Variants in CYFIP1 observed in about 807,000 individuals in gnomAD.
CYFIP1 encodes the protein cytoplasmic FMR1 interacting protein 1.
CYFIP1 carries 58 observed loss-of-function variants against 163.5 expected under a neutral mutation model. The observed-to-expected ratio is 0.35, with a 90% CI of 0.29 to 0.44. CYFIP1 has a LOEUF of 0.44. Among genes scored for constraint, CYFIP1 ranks in the 20% least tolerant of loss-of-function variants. CYFIP1 has a pLI of 1.00. For missense variants in CYFIP1, 1,338 were observed against 1,653.8 expected, an observed-to-expected ratio of 0.81 and a Z score of 3.31; for synonymous variants, 663 against 660.7, an observed-to-expected ratio of 1.00 and a Z score of -0.05.
chr15:22,907,922 C>G (rs995890239), intron 21 of CYFIP1, among the ~76,000 whole-genome samples: 1 of 152,192 alleles, frequency 6.6e-6, no homozygotes, highest in Non-Finnish European at 1.5e-5. Context: ...ACAAGTCTTC[C>G]GTGACACCAC....
intron 1 of CYFIP1, among the ~76,000 whole-genome samples, chr15:22,958,800 T>C (rs1220826987): frequency 2.0e-5 from 3 of 152,316 alleles, no homozygotes; most frequent in African/African-American, 7.2e-5. Context: ...CCATGCGCCA[T>C]GAAACCCCAG....
intron 10 of CYFIP1, among the ~76,000 whole-genome samples, chr15:22,932,571 G>T (rs1380182311): frequency 6.6e-6 from 1 of 152,316 alleles, no homozygotes; most frequent in South Asian, 2.1e-4. Flanking sequence ...TGACCCCTGA[G>T]ACTGAGATGC....
chr15:22,973,586 T>C (rs1012963635), intron 1 of CYFIP1, among the ~76,000 whole-genome samples: 1 of 152,160 alleles, frequency 6.6e-6, no homozygotes, highest in African/African-American at 2.4e-5. Context: ...TGTTCTTCTG[T>C]GGCATCAGCG....
chr15:22,980,445 C>T (rs1329458414), upstream of CYFIP1: 1 of 152,062 alleles, frequency 6.6e-6, no homozygotes, highest in Non-Finnish European at 1.5e-5. Flanking sequence ...CCTCCCGGCG[C>T]TCCTCCCTCC....
chr15:22,881,726 T>C (rs1220325898), intron 25 of CYFIP1, 120 bp downstream of exon 25: 1 of 901,840 alleles, frequency 1.1e-6, no homozygotes, highest in Non-Finnish European at 1.7e-6. Context: ...GTAAGGTGCA[T>C]TTGTCTGTCT....
intron 12 of CYFIP1, among the ~76,000 whole-genome samples, chr15:22,927,099 G>A (rs1000781698): frequency 1.3e-5 from 2 of 152,182 alleles, no homozygotes; most frequent in African/African-American, 2.4e-5. Flanking sequence ...CACTTTGGAA[G>A]GCCCAGGCAG....
intron 25 of CYFIP1, among the ~76,000 whole-genome samples, chr15:22,880,761 C>A (rs550439025): frequency 6.6e-6 from 1 of 152,164 alleles, no homozygotes; most frequent in South Asian, 2.1e-4. Flanking sequence ...AGTGCCCCTT[C>A]CCCAAGGACC....
intron 23 of CYFIP1, among the ~76,000 whole-genome samples, chr15:22,891,831 G>C (rs762412056): frequency 6.6e-6 from 1 of 152,234 alleles, no homozygotes; most frequent in Non-Finnish European, 1.5e-5. Flanking sequence ...AAAGGAATGA[G>C]TGGAAAACAT....
intron 11 of CYFIP1, among the ~76,000 whole-genome samples, chr15:22,928,947 C>T (rs990012022): frequency 6.6e-6 from 1 of 151,802 alleles, no homozygotes; most frequent in Admixed American, 6.6e-5. Context: ...GGGCCCGGTG[C>T]GATGGCTCAT....
intron 23 of CYFIP1, among the ~76,000 whole-genome samples, chr15:22,886,902 G>A (rs920981684): frequency 6.6e-6 from 1 of 152,128 alleles, no homozygotes; most frequent in Non-Finnish European, 1.5e-5. Context: ...CTGTAACTGT[G>A]GGATTGTTCA....
At chr15:22,912,017 C>T (rs775448521) in intron 18 of CYFIP1, among the ~76,000 whole-genome samples, 162 bp downstream of exon 18, 1 of 152,176 alleles carries the variant, frequency 6.6e-6, no homozygotes, top group Non-Finnish European at 1.5e-5. Flanking sequence ...CTGCACTCAT[C>T]GTGGAAGCAT....
In CYFIP1 at chr15:22,869,385, C is replaced by G. The variant is rs538708608; in HGVS notation, c.*643G>C. The G allele has an allele frequency of 6.6e-6, 1 of 152,328 alleles. No individual in the cohort carries two copies. The highest frequency in any genetic ancestry group is 1.9e-4 in the East Asian group (1 of 5,184). 9.4% of individuals were successfully genotyped at this position (152,328 alleles called of 1,614,324 possible). On this transcript the variant is annotated 3_prime_UTR_variant, in exon 31 of 31. Transcript: ENST00000617928. Reference sequence around the variant, plus strand: ...GCCTTAGAGGTGACCTCCATCCCAGCTGGCCTGGTATGTGAGTTCAGGTTA... The same window carrying G: ...GCCTTAGAGGTGACCTCCATCCCAGGTGGCCTGGTATGTGAGTTCAGGTTA...
intron 1 of CYFIP1, among the ~76,000 whole-genome samples, chr15:22,953,613 G>A (rs1413899952): frequency 2.0e-5 from 3 of 152,204 alleles, no homozygotes; most frequent in African/African-American, 7.2e-5. Flanking sequence ...AGTGTCCACT[G>A]CCCTTGGAAT....
intron 8 of CYFIP1, among the ~76,000 whole-genome samples, 199 bp from the exon 9 acceptor site, chr15:22,937,407 G>A (rs1484898088): frequency 1.3e-5 from 2 of 152,096 alleles, no homozygotes; most frequent in Non-Finnish European, 2.9e-5. Context: ...AAGCGGGGCT[G>A]GGCTTCCAGG....
intron 23 of CYFIP1, among the ~76,000 whole-genome samples, chr15:22,886,113 G>A (rs1488730149): frequency 6.6e-6 from 1 of 152,100 alleles, no homozygotes; most frequent in Non-Finnish European, 1.5e-5. Context: ...GAGCAAGGGG[G>A]AAGAACCCCT....
intron 12 of CYFIP1, among the ~76,000 whole-genome samples, chr15:22,927,253 G>A (rs957310895): frequency 1.3e-5 from 2 of 152,022 alleles, no homozygotes; most frequent in African/African-American, 4.8e-5. Flanking sequence ...ACTGAGGCGG[G>A]TAGTTCACCT....
chr15:22,910,427 T>G, intron 20 of CYFIP1, 93 bp downstream of exon 20: 1 of 1,026,106 alleles, frequency 9.7e-7, no homozygotes. Context: ...CTCCCAGTGT[T>G]GGGATTACAG....
chr15:22,942,408 CAGAGCA>C (rs1162813000), intron 6 of CYFIP1, among the ~76,000 whole-genome samples: 1 of 151,878 alleles, frequency 6.6e-6, no homozygotes, highest in African/African-American at 2.4e-5. Flanking sequence ...ACAGATGAAG[CAGAGCA>C]AGAGCATCAG....
chr15:22,912,371 A>C, intron 17 of CYFIP1, 96 bp from the exon 18 acceptor site: 1 of 882,996 alleles, frequency 1.1e-6, no homozygotes, highest in South Asian at 1.7e-5. Flanking sequence ...TCCATTTTCC[A>C]CCTCTCACGT....
Sources: allele counts gnomAD v4.1 joint callset (sites outside exome capture counted in the v4.1 genomes callset), GRCh38; gene constraint gnomAD v4.1.1; transcripts MANE v1.5; gene names NCBI Gene and HGNC (gene_info 2026-07-23, HGNC 2026-07-21).